Variants in TUT4 observed in about 807,000 individuals in gnomAD.
The protein encoded by TUT4 is terminal uridylyl transferase 4.
In TUT4, 36 loss-of-function variants were observed where a neutral mutation model predicts 192.2. The observed-to-expected ratio is 0.19, with a 90% confidence interval of 0.14 to 0.25. TUT4 has a LOEUF of 0.25. Among genes scored for constraint, TUT4 ranks in the 10% least tolerant of loss-of-function variants. The pLI is 1.00. For synonymous variants in TUT4, 618 were observed against 666.0 expected (o/e 0.93, Z 1.11); for missense variants, 1,493 against 1,957.2 (o/e 0.76, Z 4.47).
intron 24 of TUT4, among the ~76,000 whole-genome samples, chr1:52,444,785 A>C (rs1166313655): frequency 6.6e-6 from 1 of 151,220 alleles, no homozygotes; most frequent in African/African-American, 2.4e-5. Flanking sequence ...TCGGACTCCA[A>C]GTTCTTCAAT....
intron 16 of TUT4, chr1:52,463,598 T>G: frequency 7.8e-7 from 1 of 1,282,558 alleles, no homozygotes; most frequent in South Asian, 1.3e-5. Flanking sequence ...ACCCCAATCT[T>G]GCAAACAGTC....
intron 1 of TUT4, among the ~76,000 whole-genome samples, chr1:52,540,017 G>T (rs1686093626): frequency 6.6e-6 from 1 of 151,032 alleles, no homozygotes; most frequent in Non-Finnish European, 1.5e-5. Context: ...AGGAGATCGA[G>T]ACCATCCTGG....
Position 52,460,940 on chromosome 1 carries a change from G to C in TUT4, c.3321+194C>G, listed in dbSNP as rs184154085. ...GACTAGTCAGTTGCACATGGGAATA[G>C]AATACATACAGGAAAAAAAGACAGA... On this transcript the variant is annotated intron_variant, in intron 19 of 29. Transcript: ENST00000257177. 565 of 376,204 alleles carry C rather than the reference G, an allele frequency of 1.5e-3. 3 individuals carry two copies. The highest frequency in any genetic ancestry group is 0.011 in the African/African-American group (517 of 48,844). 23.3% of individuals were successfully genotyped at this position (376,204 alleles called of 1,614,324 possible). A position where few individuals can be genotyped will look rare whatever the true frequency, so the allele number is the denominator to read the frequency against.
chr1:52,477,836 A>G lies in TUT4; in HGVS notation c.1895T>C (p.Leu632Ser). Reference protein sequence around the residue: ...ETPNRVSLGQLWLELLKFYTL... With the variant: ...ETPNRVSLGQSWLELLKFYTL... ...GTAGAATTTAAGCAGCTCTAACCAT[A>G]ACTGTCCCAAGGATACCCGATTTGG... The change falls in exon 12 of 30, where the codon TTA becomes TCA. Residue 632 changes from leucine to serine, a missense_variant. By Grantham distance (145) the Leu-to-Ser change is moderately radical. This residue lies in a region of TUT4 where 437 missense variants were observed against 577.6 expected (regional missense o/e 0.76). Coordinates refer to ENST00000257177, the MANE Select transcript of TUT4 (RefSeq NM_001009881.3). 1 of 1,613,818 alleles carries G rather than the reference A, an allele frequency of 6.2e-7. No homozygotes were observed. Among genetic ancestry groups the G allele is most frequent in the Non-Finnish European group, 8.5e-7 (1 of 1,179,844 alleles).
chr1:52,469,347 CT>C (rs34876874), intron 14 of TUT4, among the ~76,000 whole-genome samples: 135,378 of 152,168 alleles, frequency 0.89, 60,380 homozygotes, highest in East Asian at 0.97. Flanking sequence ...ATCGATAAGA[CT>C]TAAGGGCAAA....
At chr1:52,519,137 G>C (rs764702291) in intron 2 of TUT4, among the ~76,000 whole-genome samples, 15 of 152,092 alleles carry the variant, frequency 9.9e-5, no homozygotes, top group Non-Finnish European at 1.8e-4. Context: ...TCCATCAACT[G>C]ATGAATGGAC....
In TUT4 at chr1:52,428,637, A is replaced by T. The variant is rs577061529; in HGVS notation, c.4711+2376T>A. The stretch of plus-strand genomic sequence containing the variant: ...CAAGACTCCCTCTAAAAAAAAAAAA[A>T]AAAAAAAAAAAATTCCGGGCATGGT... On this transcript the variant is annotated intron_variant, in intron 28 of 29. Transcript: ENST00000257177. Among the ~76,000 whole-genome samples the T allele has an allele frequency of 4.8e-3, 723 of 150,996 alleles. 7 individuals carry two copies. The highest frequency in any genetic ancestry group is 0.016 in the African/African-American group (669 of 41,084).
intron 9 of TUT4, among the ~76,000 whole-genome samples, chr1:52,482,488 G>GA (rs1473333387): frequency 5.9e-5 from 9 of 152,180 alleles, no homozygotes; most frequent in Admixed American, 5.2e-4. Context: ...AGCCCAGGGT[G>GA]AAGTGCAGTG....
intron 27 of TUT4, chr1:52,435,032 T>C: frequency 6.0e-6 from 1 of 166,100 alleles, no homozygotes; most frequent in Non-Finnish European, 1.3e-5. Flanking sequence ...TTTTTTGGTC[T>C]ATTTTTATTA....
intron 7 of TUT4, among the ~76,000 whole-genome samples, chr1:52,491,348 G>A (rs1671094309): frequency 6.6e-6 from 1 of 152,148 alleles, no homozygotes; most frequent in Non-Finnish European, 1.5e-5. Flanking sequence ...ATCTTTCTCT[G>A]TATCTCCAAG....
At chr1:52,466,580 G>C (rs1178051954) in intron 15 of TUT4, among the ~76,000 whole-genome samples, 1 of 149,662 alleles carries the variant, frequency 6.7e-6, no homozygotes, top group Non-Finnish European at 1.5e-5. Context: ...CAAGGCTGAA[G>C]TGAACCCTGA....
At chr1:52,523,024 G>A (rs1377722520) in intron 2 of TUT4, among the ~76,000 whole-genome samples, 3 of 104,526 alleles carry the variant, frequency 2.9e-5, no homozygotes, top group African/African-American at 3.7e-5. Flanking sequence ...ACAGACTCTC[G>A]CTCTGTCATC....
At chr1:52,443,711 T>A (rs1425111625) in intron 24 of TUT4, among the ~76,000 whole-genome samples, 3 of 150,854 alleles carry the variant, frequency 2.0e-5, no homozygotes, top group African/African-American at 7.3e-5. Context: ...TGCAGTGAGC[T>A]ATGATTGCAC....
intron 7 of TUT4, among the ~76,000 whole-genome samples, chr1:52,491,710 CAACA>C (rs1671200707): frequency 1.3e-5 from 2 of 151,394 alleles, no homozygotes; most frequent in African/African-American, 2.4e-5. Flanking sequence ...AAAATAACAA[CAACA>C]AAAAAAAACC....
At chr1:52,455,634 G>A (rs1246464714) in intron 20 of TUT4, among the ~76,000 whole-genome samples, 37 of 138,836 alleles carry the variant, frequency 2.7e-4, no homozygotes, top group African/African-American at 8.7e-4. Flanking sequence ...AAAAAAAGAC[G>A]GGGGAGAGGA....
At chr1:52,495,551 C>T in intron 5 of TUT4, 36 bp from the exon 6 acceptor site, 1 of 1,489,656 alleles carries the variant, frequency 6.7e-7, no homozygotes, top group African/African-American at 1.4e-5. Context: ...CATGAAATAG[C>T]ATGCAAATAT....
chr1:52,490,676 C>G (rs1557830794), intron 8 of TUT4, 56 bp downstream of exon 8: 11 of 1,486,780 alleles, frequency 7.4e-6, no homozygotes, highest in Non-Finnish European at 8.3e-6. Context: ...TCATTCACTA[C>G]AAATTTGGTT....
chr1:52,493,743 A>G (rs752155023), intron 6 of TUT4, 81 bp from the exon 7 acceptor site: 2 of 819,564 alleles, frequency 2.4e-6, no homozygotes, highest in Non-Finnish European at 4.0e-6. Context: ...CAATTTCATT[A>G]AAGAATAACA....
chr1:52,440,421 T>G (rs983035948), intron 24 of TUT4, among the ~76,000 whole-genome samples: 3 of 149,294 alleles, frequency 2.0e-5, no homozygotes, highest in African/African-American at 7.4e-5. Flanking sequence ...TGAGCCACCA[T>G]GCCCATCCTG....
Sources: allele counts gnomAD v4.1 joint callset (sites outside exome capture counted in the v4.1 genomes callset), GRCh38; gene constraint gnomAD v4.1.1; regional missense constraint gnomAD v4.1.1; transcripts MANE v1.5; gene names NCBI Gene and HGNC (gene_info 2026-07-23, HGNC 2026-07-21).